Variants in ARFGEF3 observed in about 807,000 individuals in gnomAD.
ARFGEF3 encodes ARFGEF family member 3, also known as brefeldin A-inhibited guanine nucleotide-exchange protein 3.
ARFGEF3 carries 96 observed loss-of-function variants against 221.7 expected under a neutral mutation model. That is an observed-to-expected ratio of 0.43 (90% CI 0.37 to 0.51). The LOEUF is 0.51. Among genes scored for constraint, ARFGEF3 ranks in the 20% least tolerant of loss-of-function variants. ARFGEF3 has a pLI of 0.00. For synonymous variants in ARFGEF3, 1,145 were observed against 1,126.8 expected (o/e 1.02, Z -0.32); for missense variants, 2,410 against 2,789.9 (o/e 0.86, Z 3.07).
At chr6:138,270,031 T>C (rs1381035285) in intron 12 of ARFGEF3, among the ~76,000 whole-genome samples, 1 of 151,894 alleles carries the variant, frequency 6.6e-6, no homozygotes, top group Non-Finnish European at 1.5e-5. Flanking sequence ...TTCTCATCTA[T>C]AGTCTGAGCA....
intron 4 of ARFGEF3, among the ~76,000 whole-genome samples, chr6:138,227,724 CGGATGGTAT>C (rs1158866755): frequency 3.3e-5 from 5 of 152,108 alleles, no homozygotes; most frequent in Non-Finnish European, 5.9e-5. Flanking sequence ...ACAGGCTCCA[CGGATGGTAT>C]AGTCTAATGA....
At chr6:138,319,278 T>TA (rs371788391) in intron 27 of ARFGEF3, among the ~76,000 whole-genome samples, 15,391 of 142,528 alleles carry the variant, frequency 0.11, 974 homozygotes, top group South Asian at 0.21. Context: ...ATTGTTAAGT[T>TA]AAAAAAAAAA....
rs1382552183 is a variant in ARFGEF3 at position 138,344,456 on chromosome 6, G to T, written c.*7970G>T. 6.6e-6 allele frequency: 1 copy of T among 152,058 alleles called. No homozygotes were observed. Among genetic ancestry groups the T allele is most frequent in the East Asian group, 1.9e-4 (1 of 5,192 alleles). 9.4% of individuals were successfully genotyped at this position (152,058 alleles called of 1,614,324 possible). A position where few individuals can be genotyped will look rare whatever the true frequency, so the allele number is the denominator to read the frequency against. On this transcript the variant is annotated 3_prime_UTR_variant, in exon 34 of 34. Coordinates refer to ENST00000251691, the MANE Select transcript of ARFGEF3 (RefSeq NM_020340.5). Reference sequence around the variant, plus strand: ...TGATATAACTGATTTTATAGAATCTGTCTGTTCTTTGTTTAACAGGTCTCT... The same window carrying T: ...TGATATAACTGATTTTATAGAATCTTTCTGTTCTTTGTTTAACAGGTCTCT...
intron 17 of ARFGEF3, among the ~76,000 whole-genome samples, chr6:138,288,423 C>T (rs1198343698): frequency 2.0e-5 from 3 of 151,528 alleles, no homozygotes; most frequent in Non-Finnish European, 4.4e-5. Context: ...GTGGCTTACA[C>T]TTGTAATCCC....
At chr6:138,307,543 A>G (rs1779748453) in intron 23 of ARFGEF3, 146 bp downstream of exon 23, 1 of 762,386 alleles carries the variant, frequency 1.3e-6, no homozygotes, top group South Asian at 1.8e-5. Context: ...TAGCAGGAAC[A>G]TGAGTCCTGA....
intron 12 of ARFGEF3, among the ~76,000 whole-genome samples, chr6:138,266,978 C>T (rs1215183590): frequency 1.3e-5 from 2 of 151,832 alleles, no homozygotes; most frequent in Non-Finnish European, 2.9e-5. Flanking sequence ...TGGGAATATT[C>T]ATATGGAGAC....
At chr6:138,333,382 A>G (rs1255142362) in intron 32 of ARFGEF3, among the ~76,000 whole-genome samples, 2 of 152,168 alleles carry the variant, frequency 1.3e-5, no homozygotes, top group Admixed American at 6.5e-5. Context: ...TAACTCTCTG[A>G]TATCTGTGAT....
At position 138,317,291 on chromosome 6, in the gene ARFGEF3, A is replaced by G; in HGVS notation, c.4386A>G (p.Thr1462=). 1.9e-6 allele frequency: 3 copies of G among 1,614,010 alleles called. No homozygotes were observed. The highest frequency in any genetic ancestry group is 2.5e-6 in the Non-Finnish European group (3 of 1,179,880). ...EVWIILLEQL[T]AAVSNCPRQH... Reference sequence around the variant, plus strand: ...GGATAATCCTGCTGGAGCAGCTGACAGCGGCTGTGTCCAATTGTCCACGGC... The same window carrying G: ...GGATAATCCTGCTGGAGCAGCTGACGGCGGCTGTGTCCAATTGTCCACGGC... Residue 1462 remains threonine, a synonymous_variant, in exon 27 of 34, where the codon ACA becomes ACG. Transcript: ENST00000251691.
At chr6:138,309,611 T>C (rs1779789516) in intron 24 of ARFGEF3, among the ~76,000 whole-genome samples, 1 of 152,078 alleles carries the variant, frequency 6.6e-6, no homozygotes, top group African/African-American at 2.4e-5. Flanking sequence ...ATTCCTACAA[T>C]TATGGAGGCT....
chr6:138,269,131 C>G (rs1359512487), intron 12 of ARFGEF3, among the ~76,000 whole-genome samples: 2 of 152,216 alleles, frequency 1.3e-5, no homozygotes, highest in Non-Finnish European at 2.9e-5. Context: ...CTACCATTAT[C>G]CTCCCTCCTC....
chr6:138,327,923 A>G lies in ARFGEF3; in HGVS notation c.5002-98A>G. The G allele has an allele frequency of 5.6e-6, 5 of 895,140 alleles. No individual in the cohort carries two copies. In the South Asian group the frequency reaches 9.1e-5, roughly 16 times the overall value. The allele number at this position is 895,140 out of a possible 1,614,324, so 55.4% of individuals were successfully genotyped here. ...TAGGAAACCATTATCCTCATTTTAT[A>G]GATGAGGCTCAACTTGCCCAGGGTC... On this transcript the variant is annotated intron_variant, in intron 31 of 33. Coordinates refer to ENST00000251691, the MANE Select transcript of ARFGEF3 (RefSeq NM_020340.5).
chr6:138,193,485 T>C (rs970238990), intron 2 of ARFGEF3, among the ~76,000 whole-genome samples: 42 of 152,336 alleles, frequency 2.8e-4, no homozygotes, highest in African/African-American at 9.9e-4. Flanking sequence ...TTCATCGTTA[T>C]GTGTCTAACA....
chr6:138,228,172 ATTTTTTTTTTTTT>A (rs549915422), intron 4 of ARFGEF3, among the ~76,000 whole-genome samples: 4,796 of 106,500 alleles, frequency 0.045, 148 homozygotes, highest in African/African-American at 0.098. Context: ...CACTGAGACA[ATTTTTTTTTTTTT>A]TTTTTTTTTG....
Position 138,245,582 on chromosome 6 carries a change from C to A in ARFGEF3, c.656C>A (p.Ala219Asp). 1 of 1,607,684 alleles carries A rather than the reference C, an allele frequency of 6.2e-7. No individual in the cohort carries two copies. The highest frequency in any genetic ancestry group is 8.5e-7 in the Non-Finnish European group (1 of 1,176,982). The change falls in exon 8 of 34, where the codon GCC becomes GAC. Residue 219 changes from alanine to aspartate, a missense_variant. Physicochemically the swap from Ala to Asp is moderately radical, Grantham distance 126 (BLOSUM62 -2). Coordinates refer to ENST00000251691, the MANE Select transcript of ARFGEF3 (RefSeq NM_020340.5). ...ACCGTCCTGTGTGAGAAGCTGCAAGCCGCCATAAAGTAAGTGCCCTAACCA... is the reference window on the plus strand; with the variant it reads ...ACCGTCCTGTGTGAGAAGCTGCAAGACGCCATAAAGTAAGTGCCCTAACCA... ...VLTVLCEKLQ[A>D]AINDSQQLQL...
Position 138,238,567 on chromosome 6 carries a change from G to A in ARFGEF3, c.479G>A (p.Arg160Gln), listed in dbSNP as rs745495983. The change falls in exon 6 of 34, where the codon CGG (arginine) becomes CAG (glutamine). Residue 160 changes from arginine to glutamine, a missense_variant. Arg to Gln is a conservative substitution (Grantham distance 43). This residue lies in a region of ARFGEF3 where 570 missense variants were observed against 586.9 expected (regional missense o/e 0.97). Coordinates refer to ENST00000251691, the MANE Select transcript of ARFGEF3 (RefSeq NM_020340.5). ...CHQRSINTAV[R>Q]ATLSQMLSDL... Reference sequence around the variant, plus strand: ...CAGCGTAGCATAAACACTGCTGTGCGGGCAACTCTCAGTCAAATGCTGAGT... The same window carrying A: ...CAGCGTAGCATAAACACTGCTGTGCAGGCAACTCTCAGTCAAATGCTGAGT... 6.8e-6 allele frequency: 11 copies of A among 1,613,722 alleles called. No individual in the cohort carries two copies. The highest frequency in any genetic ancestry group is 1.7e-4 in the Middle Eastern group (1 of 6,058).
intron 26 of ARFGEF3, among the ~76,000 whole-genome samples, chr6:138,315,418 C>A (rs1303319052): frequency 1.3e-5 from 2 of 152,132 alleles, no homozygotes; most frequent in Admixed American, 1.3e-4. Flanking sequence ...ATAGGTCTAA[C>A]TTCTGGGTAT....
At chr6:138,315,623 C>T (rs944735996) in intron 26 of ARFGEF3, among the ~76,000 whole-genome samples, 7 of 151,886 alleles carry the variant, frequency 4.6e-5, no homozygotes, top group African/African-American at 1.5e-4. Context: ...AGGCCGAGGC[C>T]GGTGGATCAC....
intron 13 of ARFGEF3, among the ~76,000 whole-genome samples, chr6:138,279,341 C>G (rs1247180385): frequency 2.0e-5 from 3 of 152,188 alleles, no homozygotes; most frequent in Admixed American, 2.0e-4. Context: ...TATAAAAACT[C>G]TTCACCGTAT....
At position 138,301,805 on chromosome 6, in the gene ARFGEF3, T is replaced by C. The variant is rs113148769; in HGVS notation, c.3828+3020T>C. ...GGGTAGGAACCTTAAAGACTCAAGG[T>C]GTTTGAGCATAGTTTCCACCCACAT... On this transcript the variant is annotated intron_variant, in intron 22 of 33. Transcript: ENST00000251691. Among the ~76,000 whole-genome samples the C allele has an allele frequency of 4.6e-4, 70 of 152,270 alleles. 1 individual carries two copies. The highest frequency in any genetic ancestry group is 1.5e-3 in the African/African-American group (61 of 41,550).
Sources: gnomAD v4.1 joint callset for allele counts (sites outside exome capture counted in the v4.1 genomes callset) on GRCh38, gnomAD v4.1.1 for gene constraint, gnomAD v4.1.1 regional missense constraint, MANE v1.5 for transcripts, NCBI Gene and HGNC (gene_info 2026-07-23, HGNC 2026-07-21) for gene names.